Variants in TMEM181 observed in about 807,000 individuals in gnomAD.
TMEM181 encodes transmembrane protein 181.
TMEM181 carries 39 observed loss-of-function variants against 71.9 expected under a neutral mutation model. That is an observed-to-expected ratio of 0.54 (90% confidence interval 0.42 to 0.71). The LOEUF (loss-of-function observed/expected upper bound fraction) is 0.71. Among genes scored for constraint, TMEM181 ranks in the 30% least tolerant of loss-of-function variants. TMEM181 has a pLI of 0.00. For missense variants in TMEM181, 595 were observed against 583.0 expected (o/e 1.02, Z -0.21); for synonymous variants, 245 against 228.8 (o/e 1.07, Z -0.64).
intron 10 of TMEM181, among the ~76,000 whole-genome samples, chr6:158,613,170 T>C (rs184457756): frequency 6.6e-6 from 1 of 152,346 alleles, no homozygotes; most frequent in Non-Finnish European, 1.5e-5. Flanking sequence ...ACAGATGTAA[T>C]TTAAACTGTC....
chr6:158,601,272 G>C (rs1374776677), intron 6 of TMEM181, among the ~76,000 whole-genome samples: 1 of 152,220 alleles, frequency 6.6e-6, no homozygotes, highest in Non-Finnish European at 1.5e-5. Flanking sequence ...TGATAGGCCA[G>C]GCATGGTAGC....
intron 1 of TMEM181, among the ~76,000 whole-genome samples, chr6:158,566,086 A>G (rs1442953494): frequency 6.6e-6 from 1 of 152,196 alleles, no homozygotes; most frequent in Admixed American, 6.5e-5. Flanking sequence ...GAATCTAAAT[A>G]GATTCTTCCC....
chr6:158,602,342 G>A (rs567327996), intron 6 of TMEM181, among the ~76,000 whole-genome samples: 6 of 152,296 alleles, frequency 3.9e-5, no homozygotes, highest in East Asian at 3.9e-4. Flanking sequence ...AGAAAGCAGC[G>A]ATGAACATCT....
intron 1 of TMEM181, among the ~76,000 whole-genome samples, chr6:158,548,324 A>G (rs544604138): frequency 2.0e-5 from 3 of 152,174 alleles, no homozygotes; most frequent in East Asian, 1.9e-4. Context: ...CATGGAAACT[A>G]TTGCTCTAGG....
intron 10 of TMEM181, 83 bp from the exon 11 acceptor site, chr6:158,623,467 A>C: frequency 9.8e-7 from 1 of 1,016,942 alleles, no homozygotes. Context: ...AAGTAAAAAA[A>C]ACAAAAAGTC....
rs565427500 is a variant in TMEM181, at chr6:158,540,615, T to C, written c.131+3750T>C. Among the ~76,000 whole-genome samples the C allele has an allele frequency of 7.9e-5, 12 of 152,314 alleles. No individual in the cohort carries two copies. In the South Asian group the frequency reaches 2.3e-3, roughly 29 times the overall value. ...GAGCAACGTAGTGAAAGCCCATCTC[T>C]ACAAAAAATACAAAACTTAGCTGGG... is the stretch of plus-strand genomic sequence containing the variant. On this transcript the variant is annotated intron_variant, in intron 1 of 16. Coordinates refer to the TMEM181 transcript ENST00000367090.
At chr6:158,567,040 T>A (rs1015186659) in intron 1 of TMEM181, among the ~76,000 whole-genome samples, 6 of 151,836 alleles carry the variant, frequency 4.0e-5, no homozygotes, top group African/African-American at 1.5e-4. Context: ...GCCCAAAGAG[T>A]CAAGGGGACC....
intron 10 of TMEM181, chr6:158,611,120 G>T: frequency 1.9e-6 from 1 of 519,880 alleles, no homozygotes; most frequent in Non-Finnish European, 3.9e-6. Flanking sequence ...GGGCTCCTCA[G>T]TGGGTTTCTC....
chr6:158,607,507 AC>A (rs1785019001), intron 8 of TMEM181, among the ~76,000 whole-genome samples, 164 bp downstream of exon 8: 1 of 152,174 alleles, frequency 6.6e-6, no homozygotes, highest in African/African-American at 2.4e-5. Context: ...GCAAGACTCT[AC>A]AAAAAATAAA....
chr6:158,575,552 A>G (rs1334796772), intron 2 of TMEM181, among the ~76,000 whole-genome samples: 5 of 152,162 alleles, frequency 3.3e-5, no homozygotes, highest in Non-Finnish European at 2.9e-5. Context: ...TCCTGACCTC[A>G]GATGATCCGC....
intron 1 of TMEM181, among the ~76,000 whole-genome samples, chr6:158,540,960 A>G (rs903173766): frequency 1.7e-4 from 26 of 152,172 alleles, no homozygotes; most frequent in Non-Finnish European, 3.5e-4. Flanking sequence ...CGTAGAGACG[A>G]GGTCTCACTA....
chr6:158,629,670 G>C, intron 14 of TMEM181, 60 bp from the exon 15 acceptor site: 1 of 1,402,844 alleles, frequency 7.1e-7, no homozygotes, highest in Non-Finnish European at 9.8e-7. Context: ...TGGTCGGGCT[G>C]TAGGCAGAGC....
At chr6:158,570,338 T>C (rs1192077981) in intron 1 of TMEM181, among the ~76,000 whole-genome samples, 1 of 151,568 alleles carries the variant, frequency 6.6e-6, no homozygotes, top group Non-Finnish European at 1.5e-5. Flanking sequence ...GTTCACACCG[T>C]TCTCCTGCCT....
At chr6:158,602,649 C>T (rs183626888) in intron 6 of TMEM181, among the ~76,000 whole-genome samples, 19 of 151,778 alleles carry the variant, frequency 1.3e-4, no homozygotes, top group Admixed American at 1.2e-3. Context: ...CTTGCTCTGT[C>T]GCCTAGGCTA....
At chr6:158,605,475 G>C (rs1215012610) in intron 7 of TMEM181, 128 bp downstream of exon 7, 2 of 837,506 alleles carry the variant, frequency 2.4e-6, no homozygotes, top group Admixed American at 1.9e-5. Context: ...CCAGTGGGCT[G>C]TGCTGATATT....
chr6:158,634,851 A>G lies in TMEM181; in HGVS notation c.*2963A>G, dbSNP rs571252584. The G allele has an allele frequency of 2.0e-5, 3 of 152,322 alleles. No individual in the cohort carries two copies. The highest frequency in any genetic ancestry group is 4.4e-5 in the Non-Finnish European group (3 of 68,014). 9.4% of individuals were successfully genotyped at this position (152,322 alleles called of 1,614,324 possible). ...GGGTAGTTATGTTAAATAGATTATAATGTGGTAAATTATTTCCTGAATCCT... is the reference window on the plus strand; with the variant it reads ...GGGTAGTTATGTTAAATAGATTATAGTGTGGTAAATTATTTCCTGAATCCT... On this transcript the variant is annotated 3_prime_UTR_variant, in exon 17 of 17. Transcript: ENST00000684151.
chr6:158,569,359 C>T (rs1782679614), intron 1 of TMEM181, among the ~76,000 whole-genome samples: 5 of 152,226 alleles, frequency 3.3e-5, no homozygotes, highest in East Asian at 1.9e-4. Context: ...CTCTCACCCA[C>T]GAGCCTGTTG....
At position 158,634,227 on chromosome 6, in the gene TMEM181, G is replaced by A. The variant is rs1330678378; in HGVS notation, c.*2339G>A. 1 of 152,076 alleles carries A rather than the reference G, an allele frequency of 6.6e-6. No individual in the cohort carries two copies. The highest frequency in any genetic ancestry group is 2.4e-5 in the African/African-American group (1 of 41,394). The allele number at this position is 152,076 out of a possible 1,614,324, so 9.4% of individuals were successfully genotyped here. A position where few individuals can be genotyped will look rare whatever the true frequency, so the allele number is the denominator to read the frequency against. On this transcript the variant is annotated 3_prime_UTR_variant, in exon 17 of 17. Transcript: ENST00000684151. ...CATGTATTTTCAACTTGTCTTCCCTGGTATATCATAAATACCGACATATTA... is the reference window on the plus strand; with the variant it reads ...CATGTATTTTCAACTTGTCTTCCCTAGTATATCATAAATACCGACATATTA...
Position 158,605,313 on chromosome 6 carries a change from G to A in TMEM181, c.539G>A (p.Arg180Gln), listed in dbSNP as rs749412908. The change falls in exon 7 of 17, where the codon CGG becomes CAG. Residue 180 changes from arginine to glutamine, a missense_variant. Arg to Gln is a conservative substitution (Grantham distance 43, BLOSUM62 1). Coordinates refer to ENST00000684151, the MANE Select transcript of TMEM181 (RefSeq NM_001376852.1). The part of the protein sequence containing the change: ...PAFSRLEIWF[R>Q]FFFVVLTFIV... ...TTCTCCCGGTTGGAAATCTGGTTCC[G>A]GTTTTTCTTTGTGGTGCTCACCTTC... is the stretch of plus-strand genomic sequence containing the variant. 1 of 1,613,842 alleles carries A rather than the reference G, an allele frequency of 6.2e-7. No individual in the cohort carries two copies. Among genetic ancestry groups the A allele is most frequent in the Non-Finnish European group, 8.5e-7 (1 of 1,179,956 alleles).
Sources: allele counts gnomAD v4.1 joint callset (sites outside exome capture counted in the v4.1 genomes callset), GRCh38; gene constraint gnomAD v4.1.1; transcripts MANE v1.5; gene names NCBI Gene and HGNC (gene_info 2026-07-23, HGNC 2026-07-21).